Variants in CCDC171 observed in about 807,000 individuals in gnomAD.
CCDC171 encodes the protein coiled-coil domain-containing protein 171.
Under a neutral mutation model 168.2 loss-of-function variants are expected in CCDC171, and 177 were observed. The ratio of observed to expected loss-of-function variants is 1.05; its 90% CI spans 0.93 to 1.19. The LOEUF (loss-of-function observed/expected upper bound fraction) is 1.19, where lower values mean the gene tolerates loss of function less well. CCDC171 is among the 50% of genes most tolerant of loss of function. CCDC171 has a pLI of 0.00. For synonymous variants in CCDC171, 687 were observed against 540.8 expected (o/e 1.27, Z -3.75); for missense variants, 1,991 against 1,539.0 (o/e 1.29, Z -4.91).
At chr9:15,576,998 A>G (rs894099938) in intron 3 of CCDC171, among the ~76,000 whole-genome samples, 3 of 152,138 alleles carry the variant, frequency 2.0e-5, no homozygotes, top group Admixed American at 1.3e-4. Flanking sequence ...TTGGTAAGGA[A>G]TGTTCAGTGG....
chr9:15,812,263 C>T (rs1454242599), intron 21 of CCDC171, among the ~76,000 whole-genome samples: 2 of 152,140 alleles, frequency 1.3e-5, no homozygotes, highest in African/African-American at 4.8e-5. Flanking sequence ...TTCAAGGAAA[C>T]CACCATTAAG....
the CCDC171 span, among the ~76,000 whole-genome samples, chr9:16,083,399 C>T: frequency 2.0e-4 from 31 of 152,248 alleles, no homozygotes; most frequent in African/African-American, 7.0e-4. Context: ...TCTCTTTCTA[C>T]CACAGAGAGA....
intron 11 of CCDC171, among the ~76,000 whole-genome samples, chr9:15,713,836 G>A (rs1479448658): frequency 2.0e-5 from 3 of 151,404 alleles, no homozygotes; most frequent in African/African-American, 7.3e-5. Context: ...GAGATCTTTG[G>A]TAATGGAGAG....
At chr9:15,677,355 CAA>C (rs2049657879) in intron 9 of CCDC171, among the ~76,000 whole-genome samples, 1 of 151,878 alleles carries the variant, frequency 6.6e-6, no homozygotes, top group African/African-American at 2.4e-5. Flanking sequence ...GGAGAATATA[CAA>C]AAAAAGTTAA....
chr9:16,085,783 C>T, the CCDC171 span, among the ~76,000 whole-genome samples: 1 of 152,116 alleles, frequency 6.6e-6, no homozygotes, highest in African/African-American at 2.4e-5. Context: ...TTATAGTGCC[C>T]AAGACTGTGT....
At chr9:15,977,331 G>T (rs886753875), downstream of CCDC171, among the ~76,000 whole-genome samples, 4 of 152,120 alleles carry the variant, frequency 2.6e-5, no homozygotes. Context: ...TGGACGTTGC[G>T]ATGGGAAAAT....
intron 24 of CCDC171, among the ~76,000 whole-genome samples, chr9:15,896,313 T>G (rs1820891731): frequency 6.6e-6 from 1 of 151,976 alleles, no homozygotes; most frequent in Admixed American, 6.6e-5. Context: ...AAAGAAAACA[T>G]CATTTAAAAA....
At chr9:15,784,827 C>G (rs2135491257) in intron 21 of CCDC171, 133 bp downstream of exon 21, 1 of 637,864 alleles carries the variant, frequency 1.6e-6, no homozygotes, top group African/African-American at 1.9e-5. Flanking sequence ...TAGAATGAAA[C>G]ATGTTTCTGA....
intron 6 of CCDC171, among the ~76,000 whole-genome samples, chr9:15,604,540 C>A (rs1405227925): frequency 6.6e-6 from 1 of 152,090 alleles, no homozygotes; most frequent in South Asian, 2.1e-4. Flanking sequence ...CCTTATTCAT[C>A]GACTAAATTT....
chr9:15,925,174 T>G (rs950783725), intron 25 of CCDC171, among the ~76,000 whole-genome samples: 1 of 151,550 alleles, frequency 6.6e-6, no homozygotes, highest in African/African-American at 2.4e-5. Flanking sequence ...ACCAAGACAA[T>G]GCACTGAAAG....
chr9:15,979,815 A>T (rs980615986), intron 3 of CCDC171, among the ~76,000 whole-genome samples: 14 of 151,930 alleles, frequency 9.2e-5, no homozygotes, highest in African/African-American at 2.9e-4. Context: ...TTGGGAAATT[A>T]TCCCTTCTCT....
chr9:16,091,651 G>T, the CCDC171 span, among the ~76,000 whole-genome samples: 1 of 152,164 alleles, frequency 6.6e-6, no homozygotes, highest in Non-Finnish European at 1.5e-5. Context: ...CAGATTCAAG[G>T]TGAGCTGTGA....
chr9:15,636,862 A>G (rs2046239004), intron 7 of CCDC171, among the ~76,000 whole-genome samples: 1 of 152,172 alleles, frequency 6.6e-6, no homozygotes, highest in Non-Finnish European at 1.5e-5. Context: ...ATCATCACTA[A>G]AAACATTTTA....
chr9:15,921,351 C>T (rs1378012514), intron 25 of CCDC171, among the ~76,000 whole-genome samples: 1 of 151,604 alleles, frequency 6.6e-6, no homozygotes, highest in Non-Finnish European at 1.5e-5. Context: ...CATCAACTCT[C>T]CCTGCCCCCT....
rs778657076 is a variant in CCDC171 at position 15,623,430 on chromosome 9, C to G, written c.822+17C>G. On this transcript the variant is annotated intron_variant, in intron 7 of 25. Coordinates refer to ENST00000380701, the MANE Select transcript of CCDC171 (RefSeq NM_173550.4). ...GAATTTGAGGTACATTTTCTCATTCCTTTATAATATATATGCGTACAAACT... is the reference window on the plus strand; with the variant it reads ...GAATTTGAGGTACATTTTCTCATTCGTTTATAATATATATGCGTACAAACT... 1.3e-6 allele frequency: 2 copies of G among 1,515,350 alleles called. No homozygotes were observed. Among genetic ancestry groups the G allele is most frequent in the African/African-American group, 1.4e-5 (1 of 71,602 alleles). The allele number at this position is 1,515,350 out of a possible 1,614,324, so 93.9% of individuals were successfully genotyped here.
At chr9:15,701,974 G>C (rs962241509) in intron 11 of CCDC171, among the ~76,000 whole-genome samples, 1 of 152,178 alleles carries the variant, frequency 6.6e-6, no homozygotes, top group Non-Finnish European at 1.5e-5. Flanking sequence ...CTTATGAAAT[G>C]TATTTATTAA....
chr9:16,107,597 G>A, the CCDC171 span, among the ~76,000 whole-genome samples: 33 of 151,872 alleles, frequency 2.2e-4, no homozygotes, highest in Admixed American at 2.1e-3. Context: ...CCATTTGTAC[G>A]TACACATATA....
chr9:15,970,363 G>C (rs931260039), intron 25 of CCDC171, among the ~76,000 whole-genome samples: 1 of 150,708 alleles, frequency 6.6e-6, no homozygotes, highest in African/African-American at 2.4e-5. Context: ...ACATTATTTT[G>C]TTATCAAAAC....
At chr9:16,058,959 G>C (rs7849435) in intron 1 of CCDC171, among the ~76,000 whole-genome samples, 12,943 of 152,186 alleles carry the variant, frequency 0.085, 725 homozygotes, top group African/African-American at 0.16. Context: ...TGAACAACAG[G>C]CATGCTGTGG....
Sources: gnomAD v4.1 joint callset for allele counts (sites outside exome capture counted in the v4.1 genomes callset) on GRCh38, gnomAD v4.1.1 for gene constraint, MANE v1.5 for transcripts, NCBI Gene and HGNC (gene_info 2026-07-23, HGNC 2026-07-21) for gene names.